INVS: variants seen among roughly 807,000 people sequenced by gnomAD.
INVS encodes inversin, also known as inversion of embryo turning homolog.
A neutral mutation model predicts 108.8 loss-of-function variants in INVS; 86 were observed. The observed-to-expected ratio is 0.79, with a 90% CI of 0.66 to 0.95. The LOEUF (loss-of-function observed/expected upper bound fraction) is 0.95. Among genes scored for constraint, INVS ranks in the 40% least tolerant of loss-of-function variants. The pLI is 0.00. For missense variants in INVS, 1,169 were observed against 1,297.4 expected (o/e 0.90, Z 1.52); for synonymous variants, 455 against 473.5 (o/e 0.96, Z 0.51).
chr9:100,141,491 A>G (rs1222726961), intron 3 of INVS, among the ~76,000 whole-genome samples: 5 of 152,224 alleles, frequency 3.3e-5, no homozygotes, highest in South Asian at 2.1e-4. Context: ...ATCAGACTGT[A>G]TAGAGGTGGG....
chr9:100,271,845 G>C (rs1386978445), intron 11 of INVS, among the ~76,000 whole-genome samples: 1 of 151,378 alleles, frequency 6.6e-6, no homozygotes, highest in Non-Finnish European at 1.5e-5. Flanking sequence ...AGTCAGATTT[G>C]TCAATCTTCT....
intron 3 of INVS, among the ~76,000 whole-genome samples, chr9:100,163,394 T>C (rs978902552): frequency 2.0e-5 from 3 of 152,034 alleles, no homozygotes; most frequent in African/African-American, 4.8e-5. Context: ...GATCTGAAAA[T>C]TGAAAGAATT....
At chr9:100,265,194 C>T (rs138060014) in intron 11 of INVS, among the ~76,000 whole-genome samples, 3 of 152,180 alleles carry the variant, frequency 2.0e-5, no homozygotes, top group East Asian at 1.9e-4. Context: ...CCACCCACCT[C>T]GGCCTCCCAA....
At chr9:100,219,805 T>TA (rs1831091554) in intron 3 of INVS, among the ~76,000 whole-genome samples, 1 of 151,846 alleles carries the variant, frequency 6.6e-6, no homozygotes, top group Admixed American at 6.6e-5. Flanking sequence ...CTGCTTTGAG[T>TA]AAAAAATGAC....
At chr9:100,156,943 T>TACACACAC (rs140690543) in intron 3 of INVS, among the ~76,000 whole-genome samples, 1 of 149,520 alleles carries the variant, frequency 6.7e-6, no homozygotes, top group Admixed American at 6.7e-5. Flanking sequence ...TATATATATA[T>TACACACAC]ACACACACAC....
chr9:100,145,524 C>G (rs184032438), intron 3 of INVS, among the ~76,000 whole-genome samples: 8 of 151,756 alleles, frequency 5.3e-5, no homozygotes, highest in East Asian at 1.9e-4. Flanking sequence ...TTCTTGCCCC[C>G]TAGAAAAGTG....
At chr9:100,273,122 G>A in intron 12 of INVS, 46 bp downstream of exon 12, 1 of 1,477,906 alleles carries the variant, frequency 6.8e-7, no homozygotes, top group Non-Finnish European at 9.5e-7. Flanking sequence ...CCAGAATCAG[G>A]GTGGAAGTGG....
chr9:100,189,274 T>C (rs1830151232), intron 3 of INVS, among the ~76,000 whole-genome samples: 1 of 152,038 alleles, frequency 6.6e-6, no homozygotes, highest in Admixed American at 6.6e-5. Context: ...TTTCTTTTGC[T>C]AGTTTGGGTT....
intron 6 of INVS, among the ~76,000 whole-genome samples, chr9:100,240,484 A>T (rs1056514450): frequency 5.9e-5 from 9 of 152,180 alleles, no homozygotes; most frequent in Non-Finnish European, 1.2e-4. Flanking sequence ...ACATTTAGTG[A>T]CAACATGTGA....
chr9:100,116,925 C>T (rs1370549591), intron 2 of INVS: 32 of 1,443,664 alleles, frequency 2.2e-5, no homozygotes, highest in Non-Finnish European at 2.5e-5. Context: ...GTGGCCTTGG[C>T]GAAGTTGCCC....
In INVS at chr9:100,296,714, T is replaced by C. The variant is rs147748379; in HGVS notation, c.2787-203T>C. The stretch of plus-strand genomic sequence containing the variant: ...GCTCCTTGAAGGCAAGGAATCATGA[T>C]TGAATCCTAGTTCAGGAGGTGTTTG... On this transcript the variant is annotated intron_variant, in intron 14 of 16. Transcript: ENST00000262457. Among the ~76,000 whole-genome samples the C allele has an allele frequency of 5.9e-5, 9 of 152,326 alleles. No individual in the cohort carries two copies. In the East Asian group the frequency reaches 7.7e-4, roughly 13 times the overall value.
At chr9:100,294,285 C>T (rs542450180) in intron 14 of INVS, among the ~76,000 whole-genome samples, 2 of 152,202 alleles carry the variant, frequency 1.3e-5, no homozygotes, top group African/African-American at 4.8e-5. Flanking sequence ...TCGAGGTTCC[C>T]GTCAGGAGAA....
At chr9:100,225,988 A>G in intron 3 of INVS, 74 bp from the exon 4 acceptor site, 1 of 1,059,348 alleles carries the variant, frequency 9.4e-7, no homozygotes, top group Non-Finnish European at 1.4e-6. Flanking sequence ...AACATACTTA[A>G]AACATTTTAA....
At chr9:100,170,481 C>T (rs564687947) in intron 3 of INVS, among the ~76,000 whole-genome samples, 31 of 151,844 alleles carry the variant, frequency 2.0e-4, no homozygotes, top group Non-Finnish European at 4.4e-4. Context: ...GGGAGGATTG[C>T]TTGAGCCTAG....
At chr9:100,193,925 G>T (rs577855157) in intron 3 of INVS, among the ~76,000 whole-genome samples, 2 of 152,144 alleles carry the variant, frequency 1.3e-5, no homozygotes, top group Non-Finnish European at 2.9e-5. Flanking sequence ...GTTTACAGGC[G>T]TAAGCAACAG....
intron 1 of INVS, among the ~76,000 whole-genome samples, chr9:100,100,281 A>G (rs1467321562): frequency 6.6e-6 from 1 of 151,800 alleles, no homozygotes; most frequent in Non-Finnish European, 1.5e-5. Flanking sequence ...GGGTGACAAA[A>G]TTAGACAGTG....
chr9:100,113,373 G>C (rs945463066), intron 2 of INVS, among the ~76,000 whole-genome samples: 1 of 152,192 alleles, frequency 6.6e-6, no homozygotes, highest in South Asian at 2.1e-4. Flanking sequence ...CATCTGTAAG[G>C]CTCTTTCAAA....
intron 3 of INVS, among the ~76,000 whole-genome samples, chr9:100,151,448 C>G (rs1195699020): frequency 1.3e-5 from 2 of 151,990 alleles, no homozygotes; most frequent in Non-Finnish European, 2.9e-5. Context: ...CACTGCATTC[C>G]AGCCTGGACA....
Position 100,301,139 on chromosome 9 carries a change from T to TCTCACA in INVS, c.*466_*467insTCACAC, listed in dbSNP as rs200314659. 0.06 allele frequency: 10,092 copies of TCTCACA among 167,732 alleles called. 490 individuals are homozygous for TCTCACA. Among genetic ancestry groups the TCTCACA allele is most frequent in the Non-Finnish European group, 0.076 (6,857 of 89,874 alleles). 10.4% of individuals were successfully genotyped at this position (167,732 alleles called of 1,614,324 possible). On this transcript the variant is annotated 3_prime_UTR_variant, in exon 17 of 17. Coordinates refer to ENST00000262457, the MANE Select transcript of INVS (RefSeq NM_014425.5). ...CCTGGCATCTAATGCAACAAACTTA[T>TCTCACA]CACACACACACACACACACACACAC...
Sources: allele counts gnomAD v4.1 joint callset (sites outside exome capture counted in the v4.1 genomes callset), GRCh38; gene constraint gnomAD v4.1.1; transcripts MANE v1.5; gene names NCBI Gene and HGNC (gene_info 2026-07-23, HGNC 2026-07-21).